The following CHRM2 variants were observed in gnomAD, a reference collection of about 807,000 sequenced individuals.
CHRM2 encodes the protein muscarinic acetylcholine receptor M2.
Under a neutral mutation model 25.0 loss-of-function variants are expected in CHRM2, and 8 were observed. The ratio of observed to expected loss-of-function variants is 0.32; its 90% CI spans 0.19 to 0.58. CHRM2 has a LOEUF of 0.58. Among genes scored for constraint, CHRM2 ranks in the 20% least tolerant of loss-of-function variants. The pLI, the probability that CHRM2 is intolerant of heterozygous loss-of-function variation, is 0.88. For synonymous variants in CHRM2, 202 were observed against 205.7 expected, an observed-to-expected ratio of 0.98 and a Z score of 0.15; for missense variants, 440 against 567.1, an observed-to-expected ratio of 0.78 and a Z score of 2.28.
intron 2 of CHRM2, among the ~76,000 whole-genome samples, chr7:136,940,311 A>G (rs1799691017): frequency 1.3e-5 from 2 of 152,236 alleles, no homozygotes; most frequent in Non-Finnish European, 2.9e-5. Context: ...GAAGCAGTAC[A>G]GTATACTCGC....
At chr7:136,921,260 C>T (rs922132335) in intron 2 of CHRM2, among the ~76,000 whole-genome samples, 2 of 152,126 alleles carry the variant, frequency 1.3e-5, no homozygotes, top group African/African-American at 2.4e-5. Context: ...TTTGAGTCTT[C>T]CCATCATCCT....
At chr7:136,959,503 A>T (rs1349759327) in intron 2 of CHRM2, among the ~76,000 whole-genome samples, 2 of 152,258 alleles carry the variant, frequency 1.3e-5, no homozygotes, top group Non-Finnish European at 2.9e-5. Context: ...AGAGTTTAAA[A>T]GTAGCCACAG....
chr7:136,876,945 CT>C (rs748347629), intron 2 of CHRM2, among the ~76,000 whole-genome samples: 6 of 152,070 alleles, frequency 3.9e-5, no homozygotes, highest in Non-Finnish European at 5.9e-5. Flanking sequence ...GGTTGAGTAT[CT>C]GAGACACTTT....
At chr7:136,880,162 G>A (rs547263959) in intron 2 of CHRM2, among the ~76,000 whole-genome samples, 7 of 150,526 alleles carry the variant, frequency 4.7e-5, no homozygotes, top group Middle Eastern at 6.8e-3. Flanking sequence ...CGTTATTTGA[G>A]TAGACATGGG....
At chr7:136,935,221 T>C (rs946275479) in intron 2 of CHRM2, among the ~76,000 whole-genome samples, 14 of 149,970 alleles carry the variant, frequency 9.3e-5, no homozygotes, top group African/African-American at 3.2e-4. Flanking sequence ...TTCAGGGGGG[T>C]AAACACATTG....
chr7:136,962,914 G>C (rs1420808433), intron 2 of CHRM2, among the ~76,000 whole-genome samples: 3 of 152,178 alleles, frequency 2.0e-5, no homozygotes, highest in Non-Finnish European at 4.4e-5. Flanking sequence ...AGGAATTATG[G>C]TGGATACAGT....
At chr7:136,990,261 T>G (rs1803131302) in intron 2 of CHRM2, among the ~76,000 whole-genome samples, 1 of 152,120 alleles carries the variant, frequency 6.6e-6, no homozygotes, top group South Asian at 2.1e-4. Context: ...GGGTTCACTC[T>G]TGGTGTTGTA....
intron 2 of CHRM2, among the ~76,000 whole-genome samples, chr7:136,898,100 G>C (rs1191784307): frequency 6.6e-6 from 1 of 152,056 alleles, no homozygotes; most frequent in Admixed American, 6.6e-5. Flanking sequence ...TTTAGCTGAA[G>C]AGTTGAAAAT....
chr7:136,958,311 G>C (rs538474444), intron 2 of CHRM2, among the ~76,000 whole-genome samples: 1 of 152,270 alleles, frequency 6.6e-6, no homozygotes, highest in African/African-American at 2.4e-5. Context: ...GAGTGGTTGG[G>C]CTCTGGTACT....
At chr7:137,004,893 AAT>A (rs1804318261) in intron 3 of CHRM2, among the ~76,000 whole-genome samples, 1 of 152,128 alleles carries the variant, frequency 6.6e-6, no homozygotes, top group Non-Finnish European at 1.5e-5. Context: ...CAGTTCTAGA[AAT>A]AGTCTGCAAT....
intron 2 of CHRM2, among the ~76,000 whole-genome samples, chr7:136,881,460 T>C (rs1796263289): frequency 6.6e-6 from 1 of 151,988 alleles, no homozygotes; most frequent in Non-Finnish European, 1.5e-5. Context: ...GAAATATTTT[T>C]TCTTTTTGCT....
chr7:136,904,345 C>T (rs1797413143), intron 2 of CHRM2, among the ~76,000 whole-genome samples: 1 of 151,790 alleles, frequency 6.6e-6, no homozygotes, highest in Non-Finnish European at 1.5e-5. Context: ...CTTGCCTATT[C>T]ACATTTTCTA....
At chr7:136,928,321 A>G (rs940136770) in intron 2 of CHRM2, among the ~76,000 whole-genome samples, 11 of 152,216 alleles carry the variant, frequency 7.2e-5, no homozygotes, top group Admixed American at 6.5e-4. Context: ...GGTTGAGATA[A>G]TAATAATTTC....
intron 2 of CHRM2, among the ~76,000 whole-genome samples, chr7:136,987,379 C>T (rs1178519354): frequency 6.6e-6 from 1 of 152,180 alleles, no homozygotes; most frequent in Non-Finnish European, 1.5e-5. Context: ...GGGGCTTATC[C>T]ACTGTTTTCT....
At chr7:136,917,199 C>T (rs564046556) in intron 2 of CHRM2, among the ~76,000 whole-genome samples, 23 of 151,016 alleles carry the variant, frequency 1.5e-4, no homozygotes, top group African/African-American at 5.3e-4. Flanking sequence ...TAGGCTTGTC[C>T]GCTTACTATT....
intron 2 of CHRM2, among the ~76,000 whole-genome samples, chr7:136,918,757 T>C (rs1304903389): frequency 3.9e-5 from 6 of 152,042 alleles, no homozygotes; most frequent in African/African-American, 9.7e-5. Flanking sequence ...TCAGTAAGAC[T>C]GTTGATTCTC....
At chr7:136,908,321 T>C (rs1013200787) in intron 2 of CHRM2, among the ~76,000 whole-genome samples, 2 of 151,966 alleles carry the variant, frequency 1.3e-5, no homozygotes, top group Admixed American at 1.3e-4. Flanking sequence ...TACGAGGCTC[T>C]TATTCTTAAC....
Position 136,873,281 on chromosome 7 carries a change from G to T in CHRM2, c.-125+3863G>T, listed in dbSNP as rs534652508. Among the ~76,000 whole-genome samples the T allele has an allele frequency of 2.0e-5, 3 of 152,272 alleles. No individual in the cohort carries two copies. The South Asian group carries it at 6.2e-4, about 32-fold the overall frequency. On this transcript the variant is annotated intron_variant, in intron 2 of 3. Coordinates refer to ENST00000680005, the MANE Select transcript of CHRM2 (RefSeq NM_001006630.2). ...GATTGCATATCCCACAGCTCACCTG[G>T]CCTATGTGGTGGAGGTGGTATGTGG...
intron 2 of CHRM2, among the ~76,000 whole-genome samples, chr7:136,983,269 C>T (rs978303012): frequency 2.6e-5 from 4 of 152,240 alleles, no homozygotes; most frequent in African/African-American, 4.8e-5. Flanking sequence ...ACAAAGTTCT[C>T]GTGCTGTGTT....
Sources: allele counts gnomAD v4.1 joint callset (sites outside exome capture counted in the v4.1 genomes callset), GRCh38; gene constraint gnomAD v4.1.1; transcripts MANE v1.5; gene names NCBI Gene and HGNC (gene_info 2026-07-23, HGNC 2026-07-21).